Variants in DOCK1 observed in about 807,000 individuals in gnomAD.
DOCK1 encodes dedicator of cytokinesis 1, also known as dedicator of cytokinesis protein 1.
In DOCK1, 138 loss-of-function variants were observed where a neutral mutation model predicts 262.7. The observed-to-expected ratio is 0.53, with a 90% CI of 0.46 to 0.61. DOCK1 has a LOEUF of 0.61. DOCK1 is among the 20% of genes least tolerant of loss of function. DOCK1 has a pLI of 0.00. For missense variants in DOCK1, 1,908 were observed against 2,370.7 expected, an observed-to-expected ratio of 0.80 and a Z score of 4.05; for synonymous variants, 866 against 867.4, an observed-to-expected ratio of 1.00 and a Z score of 0.03.
At chr10:127,099,072 C>G (rs142744373) in intron 23 of DOCK1, among the ~76,000 whole-genome samples, 6 of 152,306 alleles carry the variant, frequency 3.9e-5, no homozygotes, top group Non-Finnish European at 5.9e-5. Context: ...ATCTGAGTTC[C>G]CTTTGCATCT....
chr10:127,374,261 G>C, intron 35 of DOCK1, 47 bp downstream of exon 35: 1 of 1,566,238 alleles, frequency 6.4e-7, no homozygotes, highest in Non-Finnish European at 8.6e-7. Flanking sequence ...CAGCACACCA[G>C]AAACTGAAGC....
At position 127,390,457 on chromosome 10, in the gene DOCK1, G is replaced by T. The variant is rs567770414; in HGVS notation, c.3927+5548G>T. On this transcript the variant is annotated intron_variant, in intron 38 of 51. Coordinates refer to ENST00000623213, the MANE Select transcript of DOCK1 (RefSeq NM_001290223.2). The stretch of plus-strand genomic sequence containing the variant: ...AAATATGGCTATATTTGGAGATAGG[G>T]TCTTTAAAGAGGTAATTAAGGTAAA... Among the ~76,000 whole-genome samples, 252 of 152,246 alleles carry T rather than the reference G, an allele frequency of 1.7e-3. 1 individual carries two copies. The highest frequency in any genetic ancestry group is 5.2e-3 in the African/African-American group (216 of 41,530).
intron 27 of DOCK1, among the ~76,000 whole-genome samples, chr10:127,149,748 C>T (rs1239746992): frequency 1.3e-5 from 2 of 152,188 alleles, no homozygotes; most frequent in Admixed American, 6.5e-5. Context: ...GATGGCCCCA[C>T]GTGTTCTCAA....
intron 6 of DOCK1, among the ~76,000 whole-genome samples, chr10:126,990,852 A>AT (rs765904287): frequency 5.9e-5 from 9 of 152,116 alleles, no homozygotes; most frequent in Non-Finnish European, 1.3e-4. Flanking sequence ...GGAGCCTGTC[A>AT]TTTTCACCGT....
At chr10:127,399,039 G>A (rs2067075581) in intron 38 of DOCK1, among the ~76,000 whole-genome samples, 1 of 152,214 alleles carries the variant, frequency 6.6e-6, no homozygotes, top group African/African-American at 2.4e-5. Flanking sequence ...AAGAGGTTCA[G>A]AAGAATAGAG....
intron 38 of DOCK1, among the ~76,000 whole-genome samples, chr10:127,391,946 G>T (rs1352400715): frequency 6.6e-6 from 1 of 151,846 alleles, no homozygotes; most frequent in Non-Finnish European, 1.5e-5. Flanking sequence ...CATCTCCTCT[G>T]CAGGCGATCC....
chr10:127,432,896 C>CAG (rs2069398017), intron 47 of DOCK1, among the ~76,000 whole-genome samples: 1 of 152,124 alleles, frequency 6.6e-6, no homozygotes, highest in Non-Finnish European at 1.5e-5. Context: ...TGTCAACCTG[C>CAG]AGAGATACAC....
intron 23 of DOCK1, among the ~76,000 whole-genome samples, chr10:127,083,677 C>T (rs1437852098): frequency 2.0e-5 from 3 of 152,020 alleles, no homozygotes; most frequent in Non-Finnish European, 4.4e-5. Context: ...TCTGTTTTTC[C>T]TAAGGTGATT....
chr10:127,381,397 A>T (rs2065816569), intron 37 of DOCK1, 29 bp downstream of exon 37: 1 of 1,577,550 alleles, frequency 6.3e-7, no homozygotes, highest in African/African-American at 1.4e-5. Flanking sequence ...CACCTTGATG[A>T]TTCTATTGTT....
At chr10:127,019,038 C>T (rs1211700831) in intron 13 of DOCK1, 2 of 729,716 alleles carry the variant, frequency 2.7e-6, no homozygotes, top group Non-Finnish European at 4.3e-6. Context: ...CCCTGTACCC[C>T]TGGATGGATC....
At position 127,037,841 on chromosome 10, in the gene DOCK1, T is replaced by C. The variant is rs923941435; in HGVS notation, c.2010+25T>C. On this transcript the variant is annotated intron_variant, in intron 19 of 51. Transcript: ENST00000623213. ...GGTAACATGGAGCCCAAAGGGACTT[T>C]TTGGGTCTTTTTTTTTTTTTTTTTT... is the stretch of plus-strand genomic sequence containing the variant. 7.4e-6 allele frequency: 11 copies of C among 1,489,362 alleles called. No homozygotes were observed. In the African/African-American group the frequency reaches 1.3e-4, roughly 18 times the overall value. 92.3% of individuals were successfully genotyped at this position (1,489,362 alleles called of 1,614,324 possible). A position where few individuals can be genotyped will look rare whatever the true frequency, so the allele number is the denominator to read the frequency against.
At chr10:127,309,510 T>C (rs2061989223) in intron 29 of DOCK1, among the ~76,000 whole-genome samples, 1 of 152,226 alleles carries the variant, frequency 6.6e-6, no homozygotes, top group Non-Finnish European at 1.5e-5. Flanking sequence ...ATGAAGTCTT[T>C]GCCCATGCCT....
chr10:127,437,262 C>T lies in DOCK1; in HGVS notation c.5061-1765C>T, dbSNP rs2069751176. ...CCATTATTGTTTACATAGTGACCTGCAGCAGATCCTACTGCACAGCCATAT... is the reference window on the plus strand; with the variant it reads ...CCATTATTGTTTACATAGTGACCTGTAGCAGATCCTACTGCACAGCCATAT... On this transcript the variant is annotated intron_variant, in intron 48 of 51. Transcript: ENST00000623213. This position sits in a 1 kb window ranked among gnomAD's most constrained non-coding sequence, Gnocchi z 4.4. 1.3e-5 allele frequency among the ~76,000 whole-genome samples: 2 copies of T among 152,160 alleles called. No homozygotes were observed. Among genetic ancestry groups the T allele is most frequent in the African/African-American group, 2.4e-5 (1 of 41,424 alleles).
intron 1 of DOCK1, among the ~76,000 whole-genome samples, chr10:126,949,384 C>T (rs1003671788): frequency 2.6e-5 from 4 of 152,116 alleles, no homozygotes; most frequent in Admixed American, 2.0e-4. Context: ...ATTTCGGCTC[C>T]CACGTGTCCC....
rs1485437462 is a variant in DOCK1, at chr10:127,234,738, C to A, written c.2848-13270C>A. ...GTAATGTGAAGTAGGCCTTGCAATA[C>A]TGAATAGCAAAACCATTTGAAAGCT... On this transcript the variant is annotated intron_variant, in intron 27 of 51. Coordinates refer to ENST00000623213, the MANE Select transcript of DOCK1 (RefSeq NM_001290223.2). Among the ~76,000 whole-genome samples, 3 of 151,874 alleles carry A rather than the reference C, an allele frequency of 2.0e-5. No homozygotes were observed. In the East Asian group the frequency reaches 5.8e-4, roughly 29 times the overall value.
intron 23 of DOCK1, among the ~76,000 whole-genome samples, chr10:127,090,213 A>T (rs1363794450): frequency 6.6e-6 from 1 of 152,110 alleles, no homozygotes; most frequent in Admixed American, 6.5e-5. Flanking sequence ...TTGGCAAGAC[A>T]TGGCTGTTCC....
intron 31 of DOCK1, among the ~76,000 whole-genome samples, chr10:127,350,657 T>G (rs2063839525): frequency 6.6e-6 from 1 of 152,198 alleles, no homozygotes; most frequent in African/African-American, 2.4e-5. Context: ...TGTTCGTCTC[T>G]CCTACCATGC....
chr10:127,127,080 A>G (rs531634437), intron 26 of DOCK1, among the ~76,000 whole-genome samples: 1 of 152,298 alleles, frequency 6.6e-6, no homozygotes, highest in African/African-American at 2.4e-5. Context: ...GTATGGCCAA[A>G]GCTCACAGAG....
At chr10:127,430,993 C>G (rs2069246365) in intron 47 of DOCK1, among the ~76,000 whole-genome samples, 1 of 152,152 alleles carries the variant, frequency 6.6e-6, no homozygotes, top group Non-Finnish European at 1.5e-5. Context: ...GGTAAGGAGC[C>G]CTGTGGGCTT....
Sources: gnomAD v4.1 joint callset for allele counts (sites outside exome capture counted in the v4.1 genomes callset) on GRCh38, gnomAD v4.1.1 for gene constraint, Gnocchi (gnomAD v3.1) non-coding constraint, MANE v1.5 for transcripts, NCBI Gene and HGNC (gene_info 2026-07-23, HGNC 2026-07-21) for gene names.